INTS9: variants seen among roughly 807,000 people sequenced by gnomAD.
The protein encoded by INTS9 is protein related to CPSF subunits of 74 kDa.
Under a neutral mutation model 79.7 loss-of-function variants are expected in INTS9, and 55 were observed. The ratio of observed to expected loss-of-function variants is 0.69; its 90% CI spans 0.56 to 0.86. The LOEUF (loss-of-function observed/expected upper bound fraction) is 0.86. INTS9 is among the 40% of genes least tolerant of loss of function. The pLI, the probability that INTS9 is intolerant of heterozygous loss-of-function variation, is 0.00. For synonymous variants in INTS9, 319 were observed against 325.2 expected (o/e 0.98, Z 0.20); for missense variants, 721 against 831.5 (o/e 0.87, Z 1.64).
At chr8:28,866,282 A>G (rs911467656) in intron 1 of INTS9, among the ~76,000 whole-genome samples, 3 of 152,122 alleles carry the variant, frequency 2.0e-5, no homozygotes, top group African/African-American at 7.2e-5. Flanking sequence ...ATCCTTTAAC[A>G]ATTTGCATGG....
chr8:28,863,050 T>C (rs1273032887), intron 1 of INTS9, among the ~76,000 whole-genome samples: 1 of 152,212 alleles, frequency 6.6e-6, no homozygotes. Flanking sequence ...TAAGTGCTCT[T>C]AGTTACTATC....
chr8:28,861,827 G>T (rs1808477212), intron 1 of INTS9, among the ~76,000 whole-genome samples: 2 of 152,228 alleles, frequency 1.3e-5, no homozygotes, highest in Non-Finnish European at 2.9e-5. Context: ...AGGCCAAAGT[G>T]AGGAATGCTA....
chr8:28,850,284 AAAGATT>A lies in INTS9; in HGVS notation c.138-17_138-12del, dbSNP rs1225662153. ...TTGGACAGCCTGGGACTGCAAAACA[AAAGATT>A]AAGATTAAATTAACCTAAATAGATT... On this transcript the variant is annotated splice_polypyrimidine_tract_variant and intron_variant, in intron 2 of 16. Transcript: ENST00000521022. The A allele has an allele frequency of 6.2e-6, 10 of 1,607,668 alleles. No homozygotes were observed. The highest frequency in any genetic ancestry group is 1.3e-5 in the African/African-American group (1 of 74,760).
chr8:28,778,083 G>GGGAC (rs1371626521), intron 12 of INTS9, 130 bp from the exon 13 acceptor site: 16 of 1,018,760 alleles, frequency 1.6e-5, no homozygotes, highest in Non-Finnish European at 2.2e-5. Flanking sequence ...GCACACGTGG[G>GGGAC]GGACGGAGGT....
At chr8:28,770,893 A>G in intron 15 of INTS9, 89 bp downstream of exon 15, 2 of 904,108 alleles carry the variant, frequency 2.2e-6, no homozygotes, top group Admixed American at 2.1e-5. Context: ...AAGAATTCAC[A>G]TGAAGCGCTA....
intron 6 of INTS9, among the ~76,000 whole-genome samples, chr8:28,817,629 G>C (rs955338470): frequency 1.2e-3 from 187 of 151,612 alleles, no homozygotes; most frequent in Non-Finnish European, 2.4e-3. Context: ...GACTGACTTG[G>C]TGATGTGGGC....
intron 6 of INTS9, among the ~76,000 whole-genome samples, chr8:28,829,496 A>G (rs1806347080): frequency 6.6e-6 from 1 of 152,230 alleles, no homozygotes. Context: ...ATAATAAATC[A>G]AATGCTAATT....
At chr8:28,850,811 T>G (rs1187085570) in intron 2 of INTS9, among the ~76,000 whole-genome samples, 1 of 152,246 alleles carries the variant, frequency 6.6e-6, no homozygotes, top group African/African-American at 2.4e-5. Context: ...CACCTGTGAC[T>G]TGAGTTTCCA....
chr8:28,881,092 C>A (rs1809738437), intron 1 of INTS9, among the ~76,000 whole-genome samples: 1 of 150,566 alleles, frequency 6.6e-6, no homozygotes, highest in Non-Finnish European at 1.5e-5. Context: ...AGGAGCGTCT[C>A]CGCCCGGCAG....
intron 6 of INTS9, among the ~76,000 whole-genome samples, chr8:28,833,481 G>A (rs545424565): frequency 6.6e-6 from 1 of 151,962 alleles, no homozygotes; most frequent in African/African-American, 2.4e-5. Flanking sequence ...TTAGCTGGGT[G>A]TGGTTGCACA....
chr8:28,883,107 C>G (rs867810423), intron 1 of INTS9, among the ~76,000 whole-genome samples: 1 of 152,248 alleles, frequency 6.6e-6, no homozygotes, highest in Non-Finnish European at 1.5e-5. Context: ...CTTCCTCTCA[C>G]TGGCCTTCCC....
chr8:28,830,632 TAAA>T (rs767647324), intron 6 of INTS9, among the ~76,000 whole-genome samples: 1 of 99,152 alleles, frequency 1.0e-5, no homozygotes. Flanking sequence ...CTCAAAAAAT[TAAA>T]AAAAAAAAAA....
chr8:28,813,461 T>C (rs1805280287), intron 7 of INTS9, 31 bp downstream of exon 7: 5 of 1,600,820 alleles, frequency 3.1e-6, no homozygotes, highest in South Asian at 1.1e-5. Context: ...AAAGCATTCA[T>C]GAATAACTGA....
At chr8:28,783,004 G>A (rs547899695) in intron 11 of INTS9, among the ~76,000 whole-genome samples, 1 of 152,026 alleles carries the variant, frequency 6.6e-6, no homozygotes, top group Non-Finnish European at 1.5e-5. Context: ...AAAATTAGCT[G>A]GGCCTGGTGG....
rs1405883007 is a variant in INTS9 at position 28,777,809 on chromosome 8, C to T, written c.1395+20G>A. The T allele has an allele frequency of 1.9e-6, 3 of 1,588,090 alleles. No homozygotes were observed. Among genetic ancestry groups the T allele is most frequent in the South Asian group, 2.3e-5 (2 of 87,320 alleles). The stretch of plus-strand genomic sequence containing the variant: ...AAGGTGACATGACTACGTGAAGGCA[C>T]AAGCAGTGTCCTTCATTACCTGCAC... On this transcript the variant is annotated intron_variant, in intron 13 of 16. Coordinates refer to ENST00000521022, the MANE Select transcript of INTS9 (RefSeq NM_018250.4).
intron 3 of INTS9, among the ~76,000 whole-genome samples, chr8:28,849,457 C>T (rs934243480): frequency 1.8e-4 from 27 of 150,904 alleles, no homozygotes; most frequent in African/African-American, 6.6e-4. Flanking sequence ...TCATTAAAGT[C>T]ATAATAAGAC....
intron 6 of INTS9, among the ~76,000 whole-genome samples, chr8:28,833,689 A>C (rs1806638562): frequency 6.6e-6 from 1 of 151,958 alleles, no homozygotes. Flanking sequence ...AAAAAAAAAA[A>C]GAAATCAAAA....
At chr8:28,813,438 A>G in intron 7 of INTS9, 54 bp downstream of exon 7, 2 of 1,552,600 alleles carry the variant, frequency 1.3e-6, no homozygotes, top group Non-Finnish European at 1.8e-6. Context: ...ACAACAAACA[A>G]CAATATGAAT....
At chr8:28,882,548 GAA>G (rs376509452) in intron 1 of INTS9, among the ~76,000 whole-genome samples, 68 of 74,864 alleles carry the variant, frequency 9.1e-4, no homozygotes, top group Non-Finnish European at 1.5e-3. Context: ...AAAAAAAAAA[GAA>G]AAAAAAAAAG....
Sources: gnomAD v4.1 joint callset for allele counts (sites outside exome capture counted in the v4.1 genomes callset) on GRCh38, gnomAD v4.1.1 for gene constraint, MANE v1.5 for transcripts, NCBI Gene and HGNC (gene_info 2026-07-23, HGNC 2026-07-21) for gene names.